TAFA1: variants seen among roughly 807,000 people sequenced by gnomAD.
The protein encoded by TAFA1 is chemokine-like protein TAFA-1.
A neutral mutation model predicts 18.5 loss-of-function variants in TAFA1; 4 were observed. The ratio of observed to expected loss-of-function variants is 0.22; its 90% CI spans 0.11 to 0.49. The LOEUF (loss-of-function observed/expected upper bound fraction) is 0.49, where lower values mean the gene tolerates loss of function less well. Ranked by LOEUF, TAFA1 falls within the 20% of genes least tolerant of loss-of-function variation. The pLI, the probability that TAFA1 is intolerant of heterozygous loss-of-function variation, is 0.98. For synonymous variants in TAFA1, 56 were observed against 55.2 expected (o/e 1.01, Z -0.06); for missense variants, 147 against 169.0 (o/e 0.87, Z 0.72).
intron 2 of TAFA1, among the ~76,000 whole-genome samples, chr3:68,049,741 G>C (rs1444929228): frequency 6.6e-6 from 1 of 152,012 alleles, no homozygotes. Context: ...CACAGAAATT[G>C]ACTGCCATCA....
chr3:68,141,190 G>A (rs2065663609), intron 2 of TAFA1, among the ~76,000 whole-genome samples: 1 of 152,132 alleles, frequency 6.6e-6, no homozygotes, highest in South Asian at 2.1e-4. Flanking sequence ...AGCAGCTTGT[G>A]AGAATCTACT....
intron 2 of TAFA1, among the ~76,000 whole-genome samples, chr3:68,355,213 G>C (rs1022045541): frequency 4.6e-5 from 7 of 151,854 alleles, no homozygotes; most frequent in African/African-American, 1.7e-4. Context: ...TAAGGGTTTT[G>C]AGCCCCAGAC....
intron 2 of TAFA1, among the ~76,000 whole-genome samples, chr3:68,201,217 T>C (rs191113145): frequency 3.3e-5 from 5 of 151,864 alleles, no homozygotes; most frequent in Admixed American, 1.3e-4. Flanking sequence ...GAATTTTAGT[T>C]TAATTTCATT....
Position 68,406,118 on chromosome 3 carries a change from G to T in TAFA1, c.119-11162G>T, listed in dbSNP as rs979608496. On this transcript the variant is annotated intron_variant, in intron 2 of 4. Transcript: ENST00000478136. Reference sequence around the variant, plus strand: ...AATTCATCCAGCTAGTAACCAAAGTGATGTTAATTATTCAAAATTATATTA... The same window carrying T: ...AATTCATCCAGCTAGTAACCAAAGTTATGTTAATTATTCAAAATTATATTA... Among the ~76,000 whole-genome samples, 6 of 152,226 alleles carry T rather than the reference G, an allele frequency of 3.9e-5. No homozygotes were observed. In the East Asian group the frequency reaches 1.2e-3, roughly 29 times the overall value.
At chr3:68,152,962 G>T (rs975073864) in intron 2 of TAFA1, among the ~76,000 whole-genome samples, 6 of 152,104 alleles carry the variant, frequency 3.9e-5, no homozygotes, top group African/African-American at 1.4e-4. Context: ...AGTGGGACCA[G>T]CTGCTTATAA....
At chr3:68,059,579 G>A (rs1269512880) in intron 2 of TAFA1, among the ~76,000 whole-genome samples, 1 of 152,158 alleles carries the variant, frequency 6.6e-6, no homozygotes, top group East Asian at 1.9e-4. Flanking sequence ...TGGGTAGAGA[G>A]TGCAGATGCA....
At chr3:68,429,704 C>G (rs1331164222) in intron 3 of TAFA1, among the ~76,000 whole-genome samples, 1 of 151,858 alleles carries the variant, frequency 6.6e-6, no homozygotes, top group Non-Finnish European at 1.5e-5. Flanking sequence ...TATCTAGACT[C>G]ATATCTCAAC....
intron 2 of TAFA1, among the ~76,000 whole-genome samples, chr3:68,240,729 C>T (rs2066985964): frequency 1.3e-5 from 2 of 152,086 alleles, no homozygotes; most frequent in Admixed American, 6.6e-5. Context: ...GCTTCCTTCC[C>T]CTCCTTCAGA....
chr3:68,305,227 G>GT (rs149348325), intron 2 of TAFA1, among the ~76,000 whole-genome samples: 19,006 of 149,584 alleles, frequency 0.13, 1,806 homozygotes, highest in East Asian at 0.46. Context: ...TTTCCCATAT[G>GT]TTTTTTTTCC....
chr3:68,415,278 T>C (rs2070808492), intron 2 of TAFA1, among the ~76,000 whole-genome samples: 1 of 152,190 alleles, frequency 6.6e-6, no homozygotes, highest in South Asian at 2.1e-4. Context: ...TTCCAAAAAT[T>C]CCCATTCATT....
intron 2 of TAFA1, among the ~76,000 whole-genome samples, chr3:68,141,678 C>A (rs567695947): frequency 6.6e-6 from 1 of 152,130 alleles, no homozygotes; most frequent in Non-Finnish European, 1.5e-5. Context: ...GCTTGGAGCT[C>A]CTCAGGGCCA....
chr3:68,131,051 C>A (rs1443059084), intron 2 of TAFA1, among the ~76,000 whole-genome samples: 2 of 152,158 alleles, frequency 1.3e-5, no homozygotes, highest in African/African-American at 4.8e-5. Flanking sequence ...CTGGATAATG[C>A]ATGGCATATA....
At chr3:68,466,838 G>A (rs2071895153) in intron 3 of TAFA1, among the ~76,000 whole-genome samples, 2 of 152,158 alleles carry the variant, frequency 1.3e-5, no homozygotes, top group Admixed American at 6.6e-5. Flanking sequence ...AGAAATAAAG[G>A]GAAAGAGTAC....
At chr3:68,475,310 T>G (rs1379241126) in intron 3 of TAFA1, among the ~76,000 whole-genome samples, 2 of 142,790 alleles carry the variant, frequency 1.4e-5, no homozygotes, top group Non-Finnish European at 3.1e-5. Context: ...CCCTCCCCCA[T>G]CCCCCCACCC....
At position 68,207,982 on chromosome 3, in the gene TAFA1, T is replaced by C. The variant is rs867942066; in HGVS notation, c.118+201238T>C. On this transcript the variant is annotated intron_variant, in intron 2 of 4. Coordinates refer to ENST00000478136, the MANE Select transcript of TAFA1 (RefSeq NM_213609.4). ...TCTGCAGGTAGCAATGGAGTAACAA[T>C]AGACTCAGAGACTTAGAAACAGGAA... Among the ~76,000 whole-genome samples the C allele has an allele frequency of 5.9e-5, 9 of 151,944 alleles. No homozygotes were observed. The South Asian group carries it at 1.5e-3, about 25-fold the overall frequency.
intron 2 of TAFA1, among the ~76,000 whole-genome samples, chr3:68,205,753 TG>T (rs1189757273): frequency 2.0e-5 from 3 of 151,830 alleles, no homozygotes; most frequent in African/African-American, 7.3e-5. Flanking sequence ...CACCTAAGGA[TG>T]GAAGAAGGAA....
chr3:68,401,454 G>A (rs1182487257), intron 2 of TAFA1, among the ~76,000 whole-genome samples: 1 of 152,232 alleles, frequency 6.6e-6, no homozygotes, highest in African/African-American at 2.4e-5. Flanking sequence ...AAAGTTCAGC[G>A]CCCTGCTTCA....
At chr3:68,380,735 C>T (rs1470094561) in intron 2 of TAFA1, among the ~76,000 whole-genome samples, 244 of 150,838 alleles carry the variant, frequency 1.6e-3, no homozygotes, top group African/African-American at 5.5e-3. Context: ...TTCACTCTGA[C>T]AGTAGTTTCT....
At chr3:68,097,978 C>T (rs1024608303) in intron 2 of TAFA1, among the ~76,000 whole-genome samples, 1 of 152,140 alleles carries the variant, frequency 6.6e-6, no homozygotes, top group Non-Finnish European at 1.5e-5. Flanking sequence ...ACAGGTTATT[C>T]CTCCCAAGCC....
Sources: allele counts gnomAD v4.1 joint callset (sites outside exome capture counted in the v4.1 genomes callset), GRCh38; gene constraint gnomAD v4.1.1; transcripts MANE v1.5; gene names NCBI Gene and HGNC (gene_info 2026-07-23, HGNC 2026-07-21).